NUP160: variants seen among roughly 807,000 people sequenced by gnomAD.
NUP160 encodes the protein nuclear pore complex protein Nup160.
Under a neutral mutation model 196.9 loss-of-function variants are expected in NUP160, and 94 were observed. That is an observed-to-expected ratio of 0.48 (90% CI 0.40 to 0.57). NUP160 has a LOEUF of 0.57. NUP160 is among the 20% of genes least tolerant of loss of function. NUP160 has a pLI of 0.00. For missense variants in NUP160, 1,638 were observed against 1,748.3 expected, an observed-to-expected ratio of 0.94 and a Z score of 1.13; for synonymous variants, 605 against 619.7, an observed-to-expected ratio of 0.98 and a Z score of 0.35.
rs2097677480 is a variant in NUP160, at chr11:47,806,174, G to GT, written c.2584dup (p.Thr862AsnfsTer11). The GT allele has an allele frequency of 6.2e-7, 1 of 1,613,928 alleles. No individual in the cohort carries two copies. The highest frequency in any genetic ancestry group is 8.5e-7 in the Non-Finnish European group (1 of 1,179,966). ...ATACAAAAGCTGCAATAAATAACTG[G>GT]TAATTGCAGTAATCATTTCAGGCCA... On this transcript the variant is annotated frameshift_variant, in exon 20 of 36. Coordinates refer to ENST00000378460, the Ensembl canonical transcript of NUP160. LOFTEE classifies it high-confidence loss of function.
At chr11:47,819,519 T>C in intron 9 of NUP160, 61 bp from the exon 10 acceptor site, 1 of 1,212,232 alleles carries the variant, frequency 8.2e-7, no homozygotes, top group Non-Finnish European at 1.2e-6. Context: ...AAATGTATGC[T>C]GTTGGCAGTA....
rs186987850 is a variant in NUP160, at chr11:47,812,399, T to C, written c.1983A>G (p.Lys661=). 6.4e-4 allele frequency: 1,026 copies of C among 1,613,742 alleles called. 4 individuals carry two copies. The highest frequency in any genetic ancestry group is 3.1e-3 in the South Asian group (280 of 91,008). Residue 661 remains lysine (K), a synonymous_variant, in exon 16 of 36, where the codon AAA becomes AAG. Coordinates refer to ENST00000378460, the Ensembl canonical transcript of NUP160. ...GGATTGGGTTCCTAATCTCTTGCAG[T>C]TTACTACAAATATCCTCCATCACAT... is the stretch of plus-strand genomic sequence containing the variant.
intron 2 of NUP160, 97 bp downstream of exon 2, chr11:47,847,751 C>G (rs1852427948): frequency 2.6e-6 from 2 of 781,086 alleles, no homozygotes; most frequent in Non-Finnish European, 4.6e-6. Flanking sequence ...CCCTAAGTGT[C>G]AATTACCGCT....
At chr11:47,833,810 TG>T (rs35129870) in intron 7 of NUP160, among the ~76,000 whole-genome samples, 52,669 of 151,470 alleles carry the variant, frequency 0.35, 10,564 homozygotes, top group South Asian at 0.52. Context: ...CAAGCTTTCC[TG>T]GGAAACAACA....
intron 7 of NUP160, among the ~76,000 whole-genome samples, chr11:47,824,949 C>T (rs1851938716): frequency 1.3e-5 from 2 of 151,936 alleles, no homozygotes; most frequent in African/African-American, 2.4e-5. Flanking sequence ...CATTCTCCTG[C>T]CTCAGCCTCC....
chr11:47,847,658 G>GGGGGGGGGGGGGGT (rs1852425969), intron 2 of NUP160, among the ~76,000 whole-genome samples, 190 bp downstream of exon 2: 1 of 103,504 alleles, frequency 9.7e-6, no homozygotes, highest in African/African-American at 3.8e-5. Context: ...TGGGGGGGGG[G>GGGGGGGGGGGGGGT]AGGGGGAGAG....
rs368349624 is a variant in NUP160, at chr11:47,822,124, T to C, written c.1142A>G (p.Tyr381Cys). Reference sequence around the variant, plus strand: ...CAGTGAAGAAATATGATCGAGACTATAGCGATTACTCTCAGTGCTCACCAA... The same window carrying C: ...CAGTGAAGAAATATGATCGAGACTACAGCGATTACTCTCAGTGCTCACCAA... Residue 381 changes from tyrosine to cysteine, a missense_variant, in exon 8 of 36, where the codon TAT (tyrosine) becomes TGT (cysteine). By Grantham distance (194) the Tyr-to-Cys change is radical. This residue lies in a region of NUP160 where 1,345 missense variants were observed against 1,470.2 expected (regional missense o/e 0.91). Transcript: ENST00000378460. 2.5e-5 allele frequency: 41 copies of C among 1,611,136 alleles called. No homozygotes were observed. Among genetic ancestry groups the C allele is most frequent in the Non-Finnish European group, 3.1e-5 (37 of 1,178,288 alleles).
exon 36 of NUP160, chr11:47,778,985 T>C (rs1360153927): frequency 1.4e-6 from 1 of 719,572 alleles, no homozygotes; most frequent in East Asian, 2.7e-5. Context: ...GAATGCAGAC[T>C]TGAATGTTGT....
At chr11:47,827,074 C>T (rs950462538) in intron 7 of NUP160, 19 of 456,028 alleles carry the variant, frequency 4.2e-5, no homozygotes, top group East Asian at 7.0e-5. Flanking sequence ...AGGGCACTTA[C>T]GAAAAATTCA....
exon 2 of NUP160, chr11:47,847,948 C>T (rs1044404400): frequency 6.2e-7 from 1 of 1,613,772 alleles, no homozygotes; most frequent in Non-Finnish European, 8.5e-7. Flanking sequence ...CCAGCCACGG[C>T]ATTTGCAGTC....
chr11:47,787,947 C>T (rs2097665603), intron 31 of NUP160, among the ~76,000 whole-genome samples: 1 of 152,032 alleles, frequency 6.6e-6, no homozygotes, highest in African/African-American at 2.4e-5. Context: ...TGGTCTTGAT[C>T]TCCTGGCCTC....
At chr11:47,795,622 T>A (rs2097670448) in intron 27 of NUP160, among the ~76,000 whole-genome samples, 1 of 152,178 alleles carries the variant, frequency 6.6e-6, no homozygotes, top group South Asian at 2.1e-4. Context: ...TAAAACAATC[T>A]CACATTCCGC....
chr11:47,801,964 G>C (rs756774866), intron 22 of NUP160, 34 bp from the exon 23 acceptor site: 2 of 1,607,540 alleles, frequency 1.2e-6, no homozygotes, highest in East Asian at 2.2e-5. Context: ...ACTTGTAACA[G>C]ATCATTCAAA....
chr11:47,827,694 T>TG (rs1851998961), intron 7 of NUP160, among the ~76,000 whole-genome samples: 1 of 147,440 alleles, frequency 6.8e-6, no homozygotes. Context: ...AGTGACAGAG[T>TG]GAAAAAAAAA....
intron 24 of NUP160, 30 bp downstream of exon 24, chr11:47,798,338 G>C: frequency 6.4e-7 from 1 of 1,569,606 alleles, no homozygotes; most frequent in Non-Finnish European, 8.8e-7. Flanking sequence ...AAACCTTAAA[G>C]AAAACAACCA....
chr11:47,817,435 C>T (rs1215505438), intron 11 of NUP160, among the ~76,000 whole-genome samples: 3 of 151,814 alleles, frequency 2.0e-5, no homozygotes, highest in African/African-American at 7.3e-5. Context: ...CTCTGCCTCC[C>T]GGGTTCAAGA....
chr11:47,781,121 G>A (rs2097660525), intron 34 of NUP160, among the ~76,000 whole-genome samples: 1 of 151,924 alleles, frequency 6.6e-6, no homozygotes, highest in Non-Finnish European at 1.5e-5. Context: ...TGCTCGGGAG[G>A]CTGAGGCTGA....
chr11:47,782,118 C>T (rs1022612283), intron 34 of NUP160, among the ~76,000 whole-genome samples: 2 of 151,002 alleles, frequency 1.3e-5, no homozygotes, highest in African/African-American at 4.9e-5. Flanking sequence ...CCCATCTCTA[C>T]CAAAAATATT....
chr11:47,822,407 G>A (rs1163710529), intron 7 of NUP160, among the ~76,000 whole-genome samples: 5 of 151,794 alleles, frequency 3.3e-5, no homozygotes, highest in Non-Finnish European at 5.9e-5. Context: ...ACAGGTGCCC[G>A]CCACCATGCC....
Sources: allele counts gnomAD v4.1 joint callset (sites outside exome capture counted in the v4.1 genomes callset), GRCh38; gene constraint gnomAD v4.1.1; regional missense constraint gnomAD v4.1.1; transcripts MANE v1.5; gene names NCBI Gene and HGNC (gene_info 2026-07-23, HGNC 2026-07-21).